The following GRID1 variants were observed in gnomAD, a reference collection of about 807,000 sequenced individuals.
GRID1 encodes glutamate receptor ionotropic, delta-1.
Under a neutral mutation model 98.0 loss-of-function variants are expected in GRID1, and 28 were observed. That is an observed-to-expected ratio of 0.29 (90% CI 0.21 to 0.39). GRID1 has a LOEUF of 0.39. Ranked by LOEUF, GRID1 falls within the 10% of genes least tolerant of loss-of-function variation. The probability of loss-of-function intolerance (pLI) is 1.00; values close to 1 mark genes in which losing one functional copy is unlikely to be tolerated. For synonymous variants in GRID1, 553 were observed against 538.5 expected (o/e 1.03, Z -0.37); for missense variants, 1,111 against 1,340.5 (o/e 0.83, Z 2.67).
chr10:86,247,531 C>T (rs11595092), intron 2 of GRID1, among the ~76,000 whole-genome samples: 3 of 152,044 alleles, frequency 2.0e-5, no homozygotes, highest in African/African-American at 7.3e-5. Context: ...AAAAAAGAGA[C>T]CAAACCAGCC....
chr10:85,968,450 C>CAAA (rs56938729), intron 4 of GRID1, among the ~76,000 whole-genome samples: 17,818 of 101,718 alleles, frequency 0.18, 1,505 homozygotes, highest in African/African-American at 0.21. Context: ...GACTCTGTCT[C>CAAA]AAAAAAAAAA....
chr10:85,822,300 C>A (rs1394062899), intron 8 of GRID1, among the ~76,000 whole-genome samples: 1 of 152,114 alleles, frequency 6.6e-6, no homozygotes, highest in Admixed American at 6.6e-5. Context: ...TGACAAAGGG[C>A]TACTATCCAG....
intron 3 of GRID1, among the ~76,000 whole-genome samples, chr10:86,173,366 C>T (rs1845522710): frequency 1.3e-5 from 2 of 152,160 alleles, no homozygotes; most frequent in African/African-American, 4.8e-5. Context: ...AAATGCAATG[C>T]CATAAGCATA....
At chr10:86,276,286 T>A (rs757317835) in intron 2 of GRID1, among the ~76,000 whole-genome samples, 3 of 152,208 alleles carry the variant, frequency 2.0e-5, no homozygotes, top group Admixed American at 6.5e-5. Flanking sequence ...ATCTTCCCTC[T>A]ATATATGTTT....
chr10:85,816,469 T>C (rs187411830), intron 8 of GRID1, among the ~76,000 whole-genome samples: 1 of 152,310 alleles, frequency 6.6e-6, no homozygotes, highest in East Asian at 1.9e-4. Context: ...TCTTGTAAAG[T>C]CAACCTATAG....
At chr10:86,047,592 G>C (rs988704610) in intron 4 of GRID1, among the ~76,000 whole-genome samples, 1 of 151,998 alleles carries the variant, frequency 6.6e-6, no homozygotes, top group African/African-American at 2.4e-5. Context: ...AAATTGTTAT[G>C]AAGTAAACAT....
At chr10:85,783,717 T>A (rs914733946) in intron 8 of GRID1, among the ~76,000 whole-genome samples, 5 of 152,188 alleles carry the variant, frequency 3.3e-5, no homozygotes, top group African/African-American at 1.2e-4. Context: ...ACGAGTCTGC[T>A]TCAGTGCACA....
At position 85,733,492 on chromosome 10, in the gene GRID1, A is replaced by G. The variant is rs963747747; in HGVS notation, c.1234-3878T>C. On this transcript the variant is annotated intron_variant, in intron 8 of 15. Coordinates refer to ENST00000327946, the MANE Select transcript of GRID1 (RefSeq NM_017551.3). ...GTAGACCTATGTTCTAATTGTTGTC[A>G]CCACTTACCTGAGTGACCTCAGATA... Among the ~76,000 whole-genome samples, 6 of 152,344 alleles carry G rather than the reference A, an allele frequency of 3.9e-5. No homozygotes were observed. The South Asian group carries it at 1.2e-3, about 32-fold the overall frequency.
At chr10:86,054,404 T>C (rs1227676430) in intron 4 of GRID1, among the ~76,000 whole-genome samples, 4 of 152,200 alleles carry the variant, frequency 2.6e-5, no homozygotes, top group African/African-American at 9.6e-5. Context: ...TCATCAAAGA[T>C]GACTTGTTGC....
chr10:86,357,465 C>A (rs1848547965), intron 2 of GRID1, among the ~76,000 whole-genome samples: 1 of 152,176 alleles, frequency 6.6e-6, no homozygotes, highest in Admixed American at 6.5e-5. Flanking sequence ...GAGGGCTAAG[C>A]CATGGCAATA....
At chr10:85,711,554 T>C (rs1841582031) in intron 12 of GRID1, among the ~76,000 whole-genome samples, 1 of 151,894 alleles carries the variant, frequency 6.6e-6, no homozygotes, top group Non-Finnish European at 1.5e-5. Flanking sequence ...ATGGTAATGT[T>C]GATTGTGACA....
At chr10:85,786,501 G>GCACC (rs1202521189) in intron 8 of GRID1, among the ~76,000 whole-genome samples, 2 of 152,152 alleles carry the variant, frequency 1.3e-5, no homozygotes, top group Non-Finnish European at 2.9e-5. Context: ...AGGGCAGCAG[G>GCACC]GTGCCTCAGG....
intron 2 of GRID1, among the ~76,000 whole-genome samples, chr10:86,313,391 C>T (rs1847857873): frequency 1.3e-5 from 2 of 152,180 alleles, no homozygotes; most frequent in Admixed American, 1.3e-4. Context: ...CCAAATCACT[C>T]AGCCACTAAT....
intron 6 of GRID1, among the ~76,000 whole-genome samples, chr10:85,862,927 G>A (rs1415961451): frequency 6.6e-6 from 1 of 152,144 alleles, no homozygotes; most frequent in African/African-American, 2.4e-5. Flanking sequence ...AGATAATGGA[G>A]CACTGGGGGC....
intron 8 of GRID1, among the ~76,000 whole-genome samples, chr10:85,835,694 A>G (rs192007790): frequency 6.6e-6 from 1 of 152,342 alleles, no homozygotes; most frequent in Admixed American, 6.5e-5. Context: ...TATCTAATTG[A>G]CACATATAGA....
intron 2 of GRID1, among the ~76,000 whole-genome samples, chr10:86,320,530 G>T (rs535603315): frequency 1.3e-5 from 2 of 152,196 alleles, no homozygotes; most frequent in Non-Finnish European, 2.9e-5. Context: ...GGGGCTGGAG[G>T]AAGAAGGAAT....
At chr10:86,096,734 G>A (rs1374280194) in intron 4 of GRID1, among the ~76,000 whole-genome samples, 1 of 152,238 alleles carries the variant, frequency 6.6e-6, no homozygotes, top group Non-Finnish European at 1.5e-5. Context: ...ACAGAATGAT[G>A]GGATAGCCTT....
At chr10:86,364,759 G>C (rs1848651008) in intron 1 of GRID1, among the ~76,000 whole-genome samples, 1 of 152,260 alleles carries the variant, frequency 6.6e-6, no homozygotes, top group Non-Finnish European at 1.5e-5. Flanking sequence ...GTCGAGGGGA[G>C]TGGGGGAAGG....
At chr10:85,912,187 T>C (rs1001247983) in intron 5 of GRID1, among the ~76,000 whole-genome samples, 3 of 152,250 alleles carry the variant, frequency 2.0e-5, no homozygotes, top group Non-Finnish European at 2.9e-5. Context: ...CCACCTTGAC[T>C]AATGGTTCAT....
Sources: allele counts gnomAD v4.1 joint callset (sites outside exome capture counted in the v4.1 genomes callset), GRCh38; gene constraint gnomAD v4.1.1; transcripts MANE v1.5; gene names NCBI Gene and HGNC (gene_info 2026-07-23, HGNC 2026-07-21).